Variants in DYRK1A observed in about 807,000 individuals in gnomAD.
DYRK1A encodes dual specificity tyrosine phosphorylation regulated kinase 1A.
A neutral mutation model predicts 79.7 loss-of-function variants in DYRK1A; 9 were observed. The observed-to-expected ratio is 0.11, with a 90% CI of 0.07 to 0.20. The LOEUF (loss-of-function observed/expected upper bound fraction) is 0.20, where lower values mean the gene tolerates loss of function less well. Among genes scored for constraint, DYRK1A ranks in the 10% least tolerant of loss-of-function variants. The pLI, the probability that DYRK1A is intolerant of heterozygous loss-of-function variation, is 1.00. For synonymous variants in DYRK1A, 349 were observed against 329.7 expected (o/e 1.06, Z -0.63); for missense variants, 622 against 956.0 (o/e 0.65, Z 4.61).
At chr21:37,388,099 G>GTTTT (rs2049796461) in intron 1 of DYRK1A, among the ~76,000 whole-genome samples, 1 of 109,036 alleles carries the variant, frequency 9.2e-6, no homozygotes, top group South Asian at 3.1e-4. Flanking sequence ...TCTTCCCTTT[G>GTTTT]ATTTTTTTTT....
chr21:37,411,279 C>G (rs950682796), intron 1 of DYRK1A, among the ~76,000 whole-genome samples: 1 of 151,866 alleles, frequency 6.6e-6, no homozygotes, highest in African/African-American at 2.4e-5. Flanking sequence ...ATGCTTGAAC[C>G]CAGGAGGCGG....
At position 37,463,568 on chromosome 21, in the gene DYRK1A, C is replaced by G. The variant is rs1355901719; in HGVS notation, c.11-9116C>G. Among the ~76,000 whole-genome samples the G allele has an allele frequency of 2.0e-5, 3 of 152,206 alleles. No individual in the cohort carries two copies. The East Asian group carries it at 5.8e-4, about 29-fold the overall frequency. ...CCCGTGCAGTCCCCTCCCTCCCTCT[C>G]TCAATGATTTCTTCACAGTCTAAAT... On this transcript the variant is annotated intron_variant, in intron 2 of 11. Transcript: ENST00000647188.
intron 2 of DYRK1A, among the ~76,000 whole-genome samples, chr21:37,459,683 C>T (rs1022873322): frequency 7.2e-5 from 11 of 152,100 alleles, no homozygotes; most frequent in African/African-American, 2.4e-4. Context: ...GTTCTGTTTT[C>T]GTATTGAGAC....
At chr21:37,496,287 C>T in intron 9 of DYRK1A, 29 bp downstream of exon 9, 1 of 1,582,086 alleles carries the variant, frequency 6.3e-7, no homozygotes, top group South Asian at 1.2e-5. Context: ...TGTTTTGAGC[C>T]TTTATTAAAT....
At position 37,506,232 on chromosome 21, in the gene DYRK1A, G is replaced by A. The variant is rs750741834; in HGVS notation, c.1644+9G>A. 81 of 1,613,788 alleles carry A rather than the reference G, an allele frequency of 5.0e-5. No homozygotes were observed. Among genetic ancestry groups the A allele is most frequent in the East Asian group, 3.6e-4 (16 of 44,876 alleles). On this transcript the variant is annotated intron_variant, in intron 11 of 11. Coordinates refer to ENST00000647188, the MANE Select transcript of DYRK1A (RefSeq NM_001347721.2). Reference sequence around the variant, plus strand: ...AGACACACAGTCCCCAGGTGAGCTCGCACGTGGTTCATTTGCTTGTGTCAC... The same window carrying A: ...AGACACACAGTCCCCAGGTGAGCTCACACGTGGTTCATTTGCTTGTGTCAC...
Position 37,478,319 on chromosome 21 carries a change from TA to T in DYRK1A, c.300+21del. 6.2e-7 allele frequency: 1 copy of T among 1,607,634 alleles called. No homozygotes were observed. The highest frequency in any genetic ancestry group is 8.5e-7 in the Non-Finnish European group (1 of 1,176,162). On this transcript the variant is annotated intron_variant, in intron 4 of 11. Transcript: ENST00000647188. ...TAATGAGGTAAGACTTGATTTGTTA[TA>T]ATAACATCTATCTTGCAGTATGTCA...
intron 1 of DYRK1A, among the ~76,000 whole-genome samples, chr21:37,417,990 C>CA (rs1384674705): frequency 8.6e-5 from 13 of 151,434 alleles, no homozygotes; most frequent in African/African-American, 2.9e-4. Context: ...ATATTTTTCT[C>CA]AAAAAAATGA....
chr21:37,495,787 C>G (rs895483945), intron 8 of DYRK1A, among the ~76,000 whole-genome samples: 2 of 152,006 alleles, frequency 1.3e-5, no homozygotes, highest in African/African-American at 4.8e-5. Context: ...GACCCTGTCT[C>G]AAAAATAAGT....
intron 1 of DYRK1A, among the ~76,000 whole-genome samples, chr21:37,411,354 TC>T (rs1189496727): frequency 1.4e-5 from 2 of 144,402 alleles, no homozygotes; most frequent in Admixed American, 7.0e-5. Flanking sequence ...AGACTCTGTC[TC>T]CCCCCCAACC....
chr21:37,472,746 G>A lies in DYRK1A; in HGVS notation c.73G>A (p.Ala25Thr). Residue 25 changes from alanine (A) to threonine (T), a missense_variant, in exon 3 of 12, where the codon GCT (alanine) becomes ACT (threonine). Around this residue, in one of 5 missense-constraint regions of DYRK1A, gnomAD observed 91 missense variants for 113.8 expected, o/e 0.80. Coordinates refer to ENST00000647188, the MANE Select transcript of DYRK1A (RefSeq NM_001347721.2). Reference sequence around the variant, plus strand: ...GCTTGCACCGTCATTTTCATTCCATGCTGCTGGCCTTCAGATGGCTGGACA... The same window carrying A: ...GCTTGCACCGTCATTTTCATTCCATACTGCTGGCCTTCAGATGGCTGGACA... Reference protein sequence around the residue: ...VRLAPSFSFHAAGLQMAGQMP... With the variant: ...VRLAPSFSFHTAGLQMAGQMP... 1 of 1,612,098 alleles carries A rather than the reference G, an allele frequency of 6.2e-7. No individual in the cohort carries two copies. The highest frequency in any genetic ancestry group is 8.5e-7 in the Non-Finnish European group (1 of 1,178,566).
chr21:37,403,100 T>G (rs923977198), intron 1 of DYRK1A, among the ~76,000 whole-genome samples: 7 of 152,082 alleles, frequency 4.6e-5, no homozygotes, highest in African/African-American at 1.7e-4. Flanking sequence ...GTCTTCCAAG[T>G]TTGCTGATTT....
At chr21:37,430,523 C>T (rs2050748217) in intron 2 of DYRK1A, 4 of 501,578 alleles carry the variant, frequency 8.0e-6, no homozygotes, top group East Asian at 1.5e-4. Flanking sequence ...TGTTGCCCAA[C>T]TCAAGAGCCA....
At chr21:37,442,920 A>C (rs979060320) in intron 2 of DYRK1A, among the ~76,000 whole-genome samples, 1 of 152,108 alleles carries the variant, frequency 6.6e-6, no homozygotes, top group African/African-American at 2.4e-5. Flanking sequence ...CTGGGGCCTC[A>C]TACTCCAGGG....
chr21:37,454,292 T>C (rs924588886), intron 2 of DYRK1A, among the ~76,000 whole-genome samples: 2 of 151,940 alleles, frequency 1.3e-5, no homozygotes, highest in African/African-American at 4.8e-5. Context: ...GGGATCTCTC[T>C]GTGTTGCTCA....
chr21:37,440,320 A>G (rs1275726096), intron 2 of DYRK1A, among the ~76,000 whole-genome samples: 3 of 151,170 alleles, frequency 2.0e-5, no homozygotes, highest in African/African-American at 7.3e-5. Flanking sequence ...TATTTTTAGT[A>G]GAGACAGGGT....
rs778873782 is a variant in DYRK1A, at chr21:37,512,528, G to A, written c.2262G>A (p.Ser754=). 2.5e-6 allele frequency: 4 copies of A among 1,605,268 alleles called. No homozygotes were observed. Among genetic ancestry groups the A allele is most frequent in the Admixed American group, 3.4e-5 (2 of 59,316 alleles). Residue 754 remains serine, a synonymous_variant, in exon 12 of 12, where the codon TCG becomes TCA. Transcript: ENST00000647188. ...TGCAACAGAGTCCTGTAGCTAGCTC[G>A]TGACTACATTGAAACTTGAGTTTGT... is the stretch of plus-strand genomic sequence containing the variant. ...VCVQQSPVAS[S]
chr21:37,426,566 A>C (rs933749779), intron 2 of DYRK1A, among the ~76,000 whole-genome samples: 6 of 152,098 alleles, frequency 3.9e-5, no homozygotes, highest in African/African-American at 1.4e-4. Flanking sequence ...TAAAAAATGA[A>C]ACCTAAACAG....
At chr21:37,437,403 A>C (rs1177694423) in intron 2 of DYRK1A, among the ~76,000 whole-genome samples, 1 of 152,144 alleles carries the variant, frequency 6.6e-6, no homozygotes, top group Non-Finnish European at 1.5e-5. Context: ...TGTGGAGTGG[A>C]GGGAAGGGAT....
Position 37,515,969 on chromosome 21 carries a change from G to C in DYRK1A, c.*3438G>C, listed in dbSNP as rs922477876. ...AGCTTTTGTGGTGTTGAACTTTTCT[G>C]TTCTTCCAATAGGGAGATACATAAT... On this transcript the variant is annotated 3_prime_UTR_variant, in exon 12 of 12. Coordinates refer to ENST00000647188, the MANE Select transcript of DYRK1A (RefSeq NM_001347721.2). 4 of 152,156 alleles carry C rather than the reference G, an allele frequency of 2.6e-5. No homozygotes were observed. Among genetic ancestry groups the C allele is most frequent in the Non-Finnish European group, 5.9e-5 (4 of 68,028 alleles). The allele number at this position is 152,156 out of a possible 1,614,324, so 9.4% of individuals were successfully genotyped here.
Sources: allele counts gnomAD v4.1 joint callset (sites outside exome capture counted in the v4.1 genomes callset), GRCh38; gene constraint gnomAD v4.1.1; regional missense constraint gnomAD v4.1.1; transcripts MANE v1.5; gene names NCBI Gene and HGNC (gene_info 2026-07-23, HGNC 2026-07-21).